The following FOXO3 variants were observed in gnomAD, a reference collection of about 807,000 sequenced individuals.
The protein encoded by FOXO3 is forkhead box O3, also known as forkhead box protein O3.
FOXO3 carries 4 observed loss-of-function variants against 41.9 expected under a neutral mutation model. The observed-to-expected ratio is 0.10, with a 90% CI of 0.05 to 0.22. FOXO3 has a LOEUF of 0.22. Ranked by LOEUF, FOXO3 falls within the 10% of genes least tolerant of loss-of-function variation. The pLI, the probability that FOXO3 is intolerant of heterozygous loss-of-function variation, is 1.00. For missense variants in FOXO3, 534 were observed against 906.8 expected, an observed-to-expected ratio of 0.59 and a Z score of 5.28; for synonymous variants, 318 against 389.3, an observed-to-expected ratio of 0.82 and a Z score of 2.16.
At chr6:108,653,291 AC>A (rs1374549449) in intron 1 of FOXO3, among the ~76,000 whole-genome samples, 2 of 152,100 alleles carry the variant, frequency 1.3e-5, no homozygotes, top group African/African-American at 4.8e-5. Flanking sequence ...CAATTTTTTG[AC>A]CCCCTACTAT....
intron 1 of FOXO3, among the ~76,000 whole-genome samples, chr6:108,619,869 C>T (rs1777618728): frequency 1.3e-5 from 2 of 152,144 alleles, no homozygotes; most frequent in Non-Finnish European, 2.9e-5. Context: ...TGTCTTAATG[C>T]CTAAATCTCA....
intron 1 of FOXO3, among the ~76,000 whole-genome samples, chr6:108,646,959 C>T (rs1048718314): frequency 1.3e-5 from 2 of 152,196 alleles, no homozygotes; most frequent in African/African-American, 4.8e-5. Context: ...TGTGACTTCT[C>T]CATATCTTAT....
intron 1 of FOXO3, among the ~76,000 whole-genome samples, chr6:108,566,038 AT>A (rs1415069373): frequency 1.3e-5 from 2 of 152,140 alleles, no homozygotes; most frequent in Non-Finnish European, 2.9e-5. Flanking sequence ...TCCTTTGGCA[AT>A]AGTGTCTTCG....
intron 1 of FOXO3, among the ~76,000 whole-genome samples, chr6:108,567,726 A>C (rs574700654): frequency 2.0e-5 from 3 of 152,252 alleles, no homozygotes; most frequent in Admixed American, 2.0e-4. Flanking sequence ...CCTGGGCAAC[A>C]AAGTGAGACC....
chr6:108,624,786 T>G (rs74612954), intron 1 of FOXO3, among the ~76,000 whole-genome samples: 12 of 152,172 alleles, frequency 7.9e-5, no homozygotes, highest in East Asian at 1.9e-4. Flanking sequence ...AAATTTTTTT[T>G]GCAGTTGTTT....
intron 1 of FOXO3, among the ~76,000 whole-genome samples, chr6:108,640,043 A>G (rs1778216504): frequency 2.0e-5 from 3 of 152,230 alleles, no homozygotes. Context: ...GTTTTTAAAC[A>G]TGGAGCACCT....
chr6:108,591,299 CAG>C (rs1776727977), intron 1 of FOXO3, among the ~76,000 whole-genome samples: 1 of 152,206 alleles, frequency 6.6e-6, no homozygotes, highest in Non-Finnish European at 1.5e-5. Flanking sequence ...CCTGTTAGAA[CAG>C]AGTTTCCCAA....
In FOXO3 at chr6:108,561,046, A is replaced by G; in HGVS notation, c.-163A>G. On this transcript the variant is annotated 5_prime_UTR_variant, in exon 1 of 3. Coordinates refer to ENST00000406360, the MANE Select transcript of FOXO3 (RefSeq NM_001455.4). ...GCCGAGGACGGGGCTCCGGCCCGGGATAACCAACTCTCCTTCTCTCTTCTT... is the reference window on the plus strand; with the variant it reads ...GCCGAGGACGGGGCTCCGGCCCGGGGTAACCAACTCTCCTTCTCTCTTCTT... 1.4e-6 allele frequency: 2 copies of G among 1,403,726 alleles called. No individual in the cohort carries two copies. Among genetic ancestry groups the G allele is most frequent in the South Asian group, 1.5e-5 (1 of 64,534 alleles). 87.0% of individuals were successfully genotyped at this position (1,403,726 alleles called of 1,614,324 possible). A position where few individuals can be genotyped will look rare whatever the true frequency, so the allele number is the denominator to read the frequency against.
intron 1 of FOXO3, among the ~76,000 whole-genome samples, chr6:108,638,111 T>C (rs1778166094): frequency 6.6e-6 from 1 of 152,242 alleles, no homozygotes; most frequent in African/African-American, 2.4e-5. Flanking sequence ...ATTATATGCA[T>C]GCTTGCGTGT....
intron 1 of FOXO3, among the ~76,000 whole-genome samples, chr6:108,562,139 A>T (rs1308327847): frequency 6.6e-6 from 1 of 151,876 alleles, no homozygotes; most frequent in Non-Finnish European, 1.5e-5. Flanking sequence ...GACAGCACCG[A>T]GGAGGTAGGT....
chr6:108,675,112 C>T (rs916503903), intron 2 of FOXO3, among the ~76,000 whole-genome samples: 4 of 152,072 alleles, frequency 2.6e-5, no homozygotes. Flanking sequence ...ATTTATCTGT[C>T]CCTATCTCTG....
chr6:108,613,234 A>G (rs1777410307), intron 1 of FOXO3, among the ~76,000 whole-genome samples: 1 of 152,176 alleles, frequency 6.6e-6, no homozygotes, highest in Non-Finnish European at 1.5e-5. Context: ...TGTTTTTGGT[A>G]CCAGGGTAAT....
chr6:108,676,430 C>G (rs1385730406), intron 2 of FOXO3, among the ~76,000 whole-genome samples: 1 of 152,112 alleles, frequency 6.6e-6, no homozygotes, highest in East Asian at 1.9e-4. Flanking sequence ...TTGGTAGGGA[C>G]GGGGTTTTGC....
chr6:108,646,696 G>A (rs182498134), intron 1 of FOXO3, among the ~76,000 whole-genome samples: 296 of 152,276 alleles, frequency 1.9e-3, no homozygotes, highest in Non-Finnish European at 2.2e-3. Context: ...TCTTGGAGAT[G>A]GGAAACCTGG....
intron 1 of FOXO3, among the ~76,000 whole-genome samples, chr6:108,596,678 A>G (rs1026973293): frequency 1.3e-5 from 2 of 152,234 alleles, no homozygotes; most frequent in Non-Finnish European, 2.9e-5. Context: ...GGGAGAATCC[A>G]GAACACTAGC....
chr6:108,600,572 A>AAGT (rs1491033193), intron 1 of FOXO3, among the ~76,000 whole-genome samples: 1 of 148,954 alleles, frequency 6.7e-6, no homozygotes, highest in East Asian at 1.9e-4. Flanking sequence ...AAAAAAAAAA[A>AAGT]AGTATGTGTG....
At chr6:108,617,771 C>G (rs1777555982) in intron 1 of FOXO3, among the ~76,000 whole-genome samples, 1 of 151,952 alleles carries the variant, frequency 6.6e-6, no homozygotes, top group African/African-American at 2.4e-5. Flanking sequence ...CACTTGATGT[C>G]AATCAAAACA....
intron 1 of FOXO3, chr6:108,618,097 C>A: frequency 1.3e-6 from 1 of 773,196 alleles, no homozygotes. Flanking sequence ...GATTTGGTTG[C>A]CGGTCAAATC....
intron 2 of FOXO3, among the ~76,000 whole-genome samples, chr6:108,677,696 G>T (rs1033179942): frequency 6.6e-6 from 1 of 152,168 alleles, no homozygotes; most frequent in Non-Finnish European, 1.5e-5. Flanking sequence ...AAGTGTTATT[G>T]TGAGGGGAAA....
Sources: gnomAD v4.1 joint callset for allele counts (sites outside exome capture counted in the v4.1 genomes callset) on GRCh38, gnomAD v4.1.1 for gene constraint, MANE v1.5 for transcripts, NCBI Gene and HGNC (gene_info 2026-07-23, HGNC 2026-07-21) for gene names.